The following ATP6V1E1 variants were observed in gnomAD, a reference collection of about 807,000 sequenced individuals.
The protein encoded by ATP6V1E1 is ATPase H+ transporting V1 subunit E1.
A neutral mutation model predicts 35.2 loss-of-function variants in ATP6V1E1; 21 were observed. The ratio of observed to expected loss-of-function variants is 0.60; its 90% confidence interval spans 0.42 to 0.86. The LOEUF is 0.86. ATP6V1E1 is among the 40% of genes least tolerant of loss of function. The pLI is 0.00. For synonymous variants in ATP6V1E1, 83 were observed against 87.8 expected (o/e 0.95, Z 0.30); for missense variants, 183 against 272.6 (o/e 0.67, Z 2.32).
intron 8 of ATP6V1E1, among the ~76,000 whole-genome samples, chr22:17,594,028 C>T (rs1444209804): frequency 6.6e-6 from 1 of 152,136 alleles, no homozygotes; most frequent in Non-Finnish European, 1.5e-5. Context: ...CATGGTGAAA[C>T]CCCGTCTCTA....
In ATP6V1E1 at chr22:17,612,707, A is replaced by G. The variant is rs938349802; in HGVS notation, c.276+105T>C. ...ATAATAATTGGAATGTTTTCTCTCT[A>G]AAGATTATTCAATCAACTCCTTAAT... On this transcript the variant is annotated intron_variant, in intron 4 of 8. Transcript: ENST00000253413. The G allele has an allele frequency of 9.4e-6, 9 of 961,146 alleles. No homozygotes were observed. The Admixed American group carries it at 1.8e-4, about 19-fold the overall frequency. 59.5% of individuals were successfully genotyped at this position (961,146 alleles called of 1,614,324 possible). A position where few individuals can be genotyped will look rare whatever the true frequency, so the allele number is the denominator to read the frequency against.
intron 4 of ATP6V1E1, among the ~76,000 whole-genome samples, chr22:17,609,330 T>G (rs2057802764): frequency 6.7e-6 from 1 of 149,018 alleles, no homozygotes; most frequent in African/African-American, 2.5e-5. Context: ...CCAGCTAATT[T>G]TTTTGTATTT....
intron 7 of ATP6V1E1, chr22:17,594,843 T>A (rs1383289899): frequency 3.0e-6 from 1 of 328,902 alleles, no homozygotes; most frequent in Admixed American, 4.9e-5. Flanking sequence ...GCGTAGTATT[T>A]GCATACAACC....
chr22:17,622,072 G>A (rs144052694), intron 1 of ATP6V1E1, among the ~76,000 whole-genome samples: 4 of 152,224 alleles, frequency 2.6e-5, no homozygotes, highest in African/African-American at 9.6e-5. Flanking sequence ...AAATCCAACC[G>A]ACACAGCTCA....
intron 7 of ATP6V1E1, among the ~76,000 whole-genome samples, chr22:17,595,991 G>A (rs2057730082): frequency 6.6e-6 from 1 of 152,006 alleles, no homozygotes; most frequent in South Asian, 2.1e-4. Flanking sequence ...AATTAGCGAG[G>A]CATGGTGGCG....
intron 4 of ATP6V1E1, among the ~76,000 whole-genome samples, chr22:17,609,464 CTTTTTTTTTTT>C (rs61116267): frequency 6.0e-4 from 54 of 90,718 alleles, no homozygotes; most frequent in Middle Eastern, 7.8e-3. Flanking sequence ...CCATCCTGCT[CTTTTTTTTTTT>C]TTTTTTTTTT....
chr22:17,623,065 CTT>C (rs61171586), intron 1 of ATP6V1E1, among the ~76,000 whole-genome samples: 1 of 152,110 alleles, frequency 6.6e-6, no homozygotes, highest in Non-Finnish European at 1.5e-5. Flanking sequence ...CCCTACTTTT[CTT>C]TTTTTTCTTA....
chr22:17,612,757 A>C, intron 4 of ATP6V1E1, 55 bp downstream of exon 4: 1 of 1,352,396 alleles, frequency 7.4e-7, no homozygotes, highest in Non-Finnish European at 1.0e-6. Flanking sequence ...AATTTACAAC[A>C]GGGAAATGAA....
chr22:17,628,568 G>T, intron 1 of ATP6V1E1, 35 bp downstream of exon 1: 1 of 1,613,782 alleles, frequency 6.2e-7, no homozygotes, highest in Non-Finnish European at 8.5e-7. Flanking sequence ...CGGGACTGCC[G>T]CCGCGGCTTC....
At chr22:17,597,371 GCCTAC>G (rs2057737460) in intron 7 of ATP6V1E1, among the ~76,000 whole-genome samples, 1 of 151,878 alleles carries the variant, frequency 6.6e-6, no homozygotes, top group Admixed American at 6.6e-5. Flanking sequence ...AGTTTCTACT[GCCTAC>G]CCCAGCTACA....
chr22:17,594,911 C>T (rs1161998224), intron 7 of ATP6V1E1: 4 of 192,814 alleles, frequency 2.1e-5, no homozygotes, highest in Admixed American at 6.1e-5. Flanking sequence ...ATAGCTAATA[C>T]GATGTAAATG....
intron 2 of ATP6V1E1, chr22:17,618,997 C>CA (rs1414422602): frequency 2.2e-6 from 1 of 451,992 alleles, no homozygotes; most frequent in East Asian, 7.0e-5. Flanking sequence ...GAGACTGTCT[C>CA]AAAATGAAAG....
At chr22:17,612,945 C>T in intron 3 of ATP6V1E1, 67 bp from the exon 4 acceptor site, 1 of 1,464,460 alleles carries the variant, frequency 6.8e-7, no homozygotes, top group South Asian at 1.2e-5. Context: ...ATTCGAACTC[C>T]TGGGCTCAAG....
chr22:17,604,102 A>G (rs1018942739), intron 4 of ATP6V1E1, among the ~76,000 whole-genome samples: 3 of 152,240 alleles, frequency 2.0e-5, no homozygotes, highest in African/African-American at 7.2e-5. Context: ...TAATTGACAT[A>G]AACTGTGTTA....
intron 8 of ATP6V1E1, among the ~76,000 whole-genome samples, chr22:17,593,412 G>T (rs2057715009): frequency 6.6e-6 from 1 of 152,160 alleles, no homozygotes; most frequent in Non-Finnish European, 1.5e-5. Flanking sequence ...GGCCACAGCA[G>T]CTGCAAAGAA....
At chr22:17,606,907 T>G (rs1323776660) in intron 4 of ATP6V1E1, among the ~76,000 whole-genome samples, 1 of 152,210 alleles carries the variant, frequency 6.6e-6, no homozygotes, top group Non-Finnish European at 1.5e-5. Context: ...CTCTGTATTC[T>G]CCAACATAAC....
At chr22:17,622,793 C>T (rs766505329) in intron 1 of ATP6V1E1, among the ~76,000 whole-genome samples, 9 of 151,988 alleles carry the variant, frequency 5.9e-5, no homozygotes, top group Non-Finnish European at 1.3e-4. Context: ...TGGAGAAACC[C>T]CATCTCTACT....
At chr22:17,610,536 C>T (rs1482617529) in intron 4 of ATP6V1E1, among the ~76,000 whole-genome samples, 1 of 152,134 alleles carries the variant, frequency 6.6e-6, no homozygotes, top group Admixed American at 6.6e-5. Context: ...AAATAAAAAA[C>T]CTAATTATAA....
intron 1 of ATP6V1E1, among the ~76,000 whole-genome samples, chr22:17,627,182 G>C (rs5992769): frequency 0.51 from 77,056 of 150,292 alleles, 21,317 homozygotes; most frequent in African/African-American, 0.72. Flanking sequence ...TTTTTTGAGA[G>C]GGAGTCTCGC....
Sources: allele counts gnomAD v4.1 joint callset (sites outside exome capture counted in the v4.1 genomes callset), GRCh38; gene constraint gnomAD v4.1.1; transcripts MANE v1.5; gene names NCBI Gene and HGNC (gene_info 2026-07-23, HGNC 2026-07-21).